DGLUCY: variants seen among roughly 807,000 people sequenced by gnomAD.
The protein encoded by DGLUCY is D-glutamate cyclase, mitochondrial.
In DGLUCY, 58 loss-of-function variants were observed where a neutral mutation model predicts 58.5. The observed-to-expected ratio is 0.99, with a 90% CI of 0.80 to 1.23. The LOEUF is 1.23. DGLUCY is among the 50% of genes most tolerant of loss of function. DGLUCY has a pLI of 0.00. For synonymous variants in DGLUCY, 325 were observed against 314.1 expected, an observed-to-expected ratio of 1.03 and a Z score of -0.37; for missense variants, 779 against 784.7, an observed-to-expected ratio of 0.99 and a Z score of 0.09.
At chr14:91,084,415 A>G (rs1478705587) in intron 1 of DGLUCY, among the ~76,000 whole-genome samples, 2 of 151,854 alleles carry the variant, frequency 1.3e-5, no homozygotes, top group Non-Finnish European at 2.9e-5. Context: ...ATGTTGGTCA[A>G]GCTGGTCTTG....
At chr14:91,065,651 A>G (rs1566927017) in intron 1 of DGLUCY, among the ~76,000 whole-genome samples, 1 of 152,110 alleles carries the variant, frequency 6.6e-6, no homozygotes. Context: ...GTAATGCACA[A>G]CTCTTGCACA....
At chr14:91,072,784 G>T (rs572442173) in intron 1 of DGLUCY, among the ~76,000 whole-genome samples, 3 of 152,234 alleles carry the variant, frequency 2.0e-5, no homozygotes, top group African/African-American at 7.2e-5. Context: ...CACTTTGGGA[G>T]GCCGAGGCGG....
At chr14:91,219,593 A>T (rs538215927) in intron 13 of DGLUCY, among the ~76,000 whole-genome samples, 1 of 152,254 alleles carries the variant, frequency 6.6e-6, no homozygotes, top group African/African-American at 2.4e-5. Context: ...GTTCTTAAGG[A>T]TCTCACTGTG....
chr14:91,131,739 A>G (rs552362522), intron 1 of DGLUCY, among the ~76,000 whole-genome samples: 26 of 152,160 alleles, frequency 1.7e-4, no homozygotes, highest in African/African-American at 6.0e-4. Flanking sequence ...CTTCATATTT[A>G]AGTATTTGAT....
chr14:91,122,954 C>G (rs556915420), intron 1 of DGLUCY, among the ~76,000 whole-genome samples: 73 of 152,272 alleles, frequency 4.8e-4, no homozygotes, highest in African/African-American at 1.6e-3. Context: ...AAGAGGCACT[C>G]ACTATGTAGC....
At chr14:91,163,942 A>G (rs2048130742) in intron 3 of DGLUCY, among the ~76,000 whole-genome samples, 1 of 152,102 alleles carries the variant, frequency 6.6e-6, no homozygotes, top group African/African-American at 2.4e-5. Context: ...GTATTCTCCA[A>G]TAGAGCATAA....
In DGLUCY at chr14:91,134,874, C is replaced by T. The variant is rs4904752; in HGVS notation, c.-82+20591C>T. ...TTTGTAGATAATGTTGGGTTTTCCACGCAATCATAATATCTGCACGTTTTT... is the reference window on the plus strand; with the variant it reads ...TTTGTAGATAATGTTGGGTTTTCCATGCAATCATAATATCTGCACGTTTTT... On this transcript the variant is annotated intron_variant, in intron 1 of 13. Coordinates refer to ENST00000256324, the MANE Select transcript of DGLUCY (RefSeq NM_001102368.3). Among the ~76,000 whole-genome samples the T allele has an allele frequency of 1.4e-3, 218 of 152,248 alleles. 4 individuals carry two copies. The highest frequency in any genetic ancestry group is 0.012 in the Admixed American group (176 of 15,268).
At chr14:91,221,574 A>G (rs1339700475) in intron 13 of DGLUCY, among the ~76,000 whole-genome samples, 1 of 151,460 alleles carries the variant, frequency 6.6e-6, no homozygotes, top group Non-Finnish European at 1.5e-5. Context: ...GATGGATAAT[A>G]GATGGATGCA....
intron 1 of DGLUCY, among the ~76,000 whole-genome samples, chr14:91,070,297 A>C (rs1245684130): frequency 6.6e-6 from 1 of 152,156 alleles, no homozygotes; most frequent in Non-Finnish European, 1.5e-5. Flanking sequence ...GAACCCAGAG[A>C]GCCTAGAGTG....
chr14:91,066,388 GAAAAAA>G (rs58589619), intron 1 of DGLUCY, among the ~76,000 whole-genome samples: 13 of 113,856 alleles, frequency 1.1e-4, no homozygotes, highest in African/African-American at 4.1e-4. Context: ...AAAAAAAAAA[GAAAAAA>G]AAAAAAAAAA....
At chr14:91,195,175 A>G (rs956938996) in intron 9 of DGLUCY, among the ~76,000 whole-genome samples, 9 of 152,118 alleles carry the variant, frequency 5.9e-5, no homozygotes, top group African/African-American at 1.9e-4. Context: ...CAGCTAGACC[A>G]TAACAGTGGG....
chr14:91,169,169 G>A (rs549502115), intron 4 of DGLUCY, among the ~76,000 whole-genome samples: 13 of 152,104 alleles, frequency 8.5e-5, no homozygotes, highest in African/African-American at 2.7e-4. Flanking sequence ...TAGCCCCATC[G>A]CCCAGCATGT....
At chr14:91,136,212 C>T (rs1041968647) in intron 1 of DGLUCY, among the ~76,000 whole-genome samples, 11 of 151,396 alleles carry the variant, frequency 7.3e-5, no homozygotes, top group Non-Finnish European at 1.2e-4. Flanking sequence ...GGATTACAGG[C>T]TTGAGCCACC....
chr14:91,173,684 C>T, intron 6 of DGLUCY: 1 of 454,230 alleles, frequency 2.2e-6, no homozygotes, highest in Non-Finnish European at 3.8e-6. Flanking sequence ...GGGCAAAGGC[C>T]CTGAACAAGG....
At chr14:91,204,912 TCTC>T in intron 12 of DGLUCY, 87 bp downstream of exon 12, 1 of 1,573,214 alleles carries the variant, frequency 6.4e-7, no homozygotes, top group Admixed American at 1.8e-5. Context: ...AAGCTCTTCT[TCTC>T]TGCAGTCAGT....
chr14:91,207,820 C>T (rs1331423874), intron 12 of DGLUCY, among the ~76,000 whole-genome samples: 2 of 151,800 alleles, frequency 1.3e-5, no homozygotes, highest in East Asian at 1.9e-4. Flanking sequence ...AATCTCGGCT[C>T]GCCACAGCCT....
chr14:91,201,288 G>A (rs1485208732), intron 11 of DGLUCY, among the ~76,000 whole-genome samples: 2 of 144,104 alleles, frequency 1.4e-5, no homozygotes, highest in Non-Finnish European at 3.0e-5. Context: ...CTTGGGCTCA[G>A]AGGCCTGACA....
At chr14:91,070,102 T>G (rs916974520) in intron 1 of DGLUCY, among the ~76,000 whole-genome samples, 2 of 152,202 alleles carry the variant, frequency 1.3e-5, no homozygotes, top group African/African-American at 4.8e-5. Flanking sequence ...TATATTTGAC[T>G]TACAAGACCC....
At chr14:91,109,413 G>C (rs1025583656), upstream of DGLUCY, among the ~76,000 whole-genome samples, 1 of 152,154 alleles carries the variant, frequency 6.6e-6, no homozygotes, top group Non-Finnish European at 1.5e-5. Flanking sequence ...AAGGAGAGTG[G>C]CTGGCTGGGT....
Sources: gnomAD v4.1 joint callset for allele counts (sites outside exome capture counted in the v4.1 genomes callset) on GRCh38, gnomAD v4.1.1 for gene constraint, MANE v1.5 for transcripts, NCBI Gene and HGNC (gene_info 2026-07-23, HGNC 2026-07-21) for gene names.